MAST2: variants seen among roughly 807,000 people sequenced by gnomAD.
MAST2 encodes microtubule-associated serine/threonine-protein kinase 2.
A neutral mutation model predicts 147.4 loss-of-function variants in MAST2; 70 were observed. That is an observed-to-expected ratio of 0.47 (90% CI 0.39 to 0.58). The LOEUF is 0.58. Among genes scored for constraint, MAST2 ranks in the 20% least tolerant of loss-of-function variants. The pLI, the probability that MAST2 is intolerant of heterozygous loss-of-function variation, is 0.00. For synonymous variants in MAST2, 869 were observed against 896.8 expected (o/e 0.97, Z 0.55); for missense variants, 2,080 against 2,302.3 (o/e 0.90, Z 1.98).
chr1:45,948,178 C>G (rs1401439873), intron 4 of MAST2, among the ~76,000 whole-genome samples: 1 of 152,096 alleles, frequency 6.6e-6, no homozygotes, highest in Non-Finnish European at 1.5e-5. Context: ...GAATAAAATA[C>G]CTAGGAATAC....
chr1:45,896,394 A>T (rs1415990294), intron 4 of MAST2, among the ~76,000 whole-genome samples: 1 of 152,026 alleles, frequency 6.6e-6, no homozygotes, highest in Non-Finnish European at 1.5e-5. Flanking sequence ...AGATGAAGAG[A>T]TTCATAGGGT....
At chr1:45,882,206 AT>A (rs201525530) in intron 3 of MAST2, among the ~76,000 whole-genome samples, 157 bp from the exon 4 acceptor site, 65,749 of 145,410 alleles carry the variant, frequency 0.45, 15,639 homozygotes, top group East Asian at 0.66. Flanking sequence ...AAAAAAAAAA[AT>A]AAATAAAATT....
At chr1:45,852,436 A>G (rs1410910726) in intron 3 of MAST2, among the ~76,000 whole-genome samples, 6 of 151,918 alleles carry the variant, frequency 3.9e-5, no homozygotes, top group African/African-American at 9.7e-5. Flanking sequence ...GTCATGGCTC[A>G]CTGCAGCCTC....
At chr1:45,916,319 A>G (rs1652496862) in intron 4 of MAST2, among the ~76,000 whole-genome samples, 1 of 152,218 alleles carries the variant, frequency 6.6e-6, no homozygotes, top group African/African-American at 2.4e-5. Flanking sequence ...AAATTAAATA[A>G]TGGTGTGTGT....
chr1:45,890,030 C>G (rs951082541), intron 4 of MAST2, among the ~76,000 whole-genome samples: 1 of 152,162 alleles, frequency 6.6e-6, no homozygotes, highest in South Asian at 2.1e-4. Flanking sequence ...AGGCATGAGC[C>G]CCCGTGCCCA....
At chr1:45,975,560 C>T (rs181366939) in intron 5 of MAST2, among the ~76,000 whole-genome samples, 1 of 146,110 alleles carries the variant, frequency 6.8e-6, no homozygotes, top group African/African-American at 2.5e-5. Flanking sequence ...CCCAGCTGCT[C>T]AGTAGGCTGA....
At chr1:46,033,969 C>CT in intron 27 of MAST2, 31 bp downstream of exon 27, 1 of 1,612,860 alleles carries the variant, frequency 6.2e-7, no homozygotes. Context: ...AGGGTTTTCT[C>CT]TGAGCCACAT....
rs750162079 is a variant in MAST2 at position 46,030,681 on chromosome 1, TGAG to T, written c.2632_2634del (p.Glu878del). The T allele has an allele frequency of 3.1e-6, 5 of 1,609,270 alleles. No individual in the cohort carries two copies. The Admixed American group carries it at 5.1e-5, about 16-fold the overall frequency. ...CACCCCCGACCAAGCGCAGCCTGAGTGAGGAGAAGGAGGACCATTCAGATGGCC... is the reference window on the plus strand; with the variant it reads ...CACCCCCGACCAAGCGCAGCCTGAGTGAGAAGGAGGACCATTCAGATGGCC... On this transcript the variant is annotated inframe_deletion, in exon 22 of 29. Coordinates refer to ENST00000361297, the MANE Select transcript of MAST2 (RefSeq NM_015112.3).
At chr1:45,833,551 G>A (rs74441208) in intron 3 of MAST2, among the ~76,000 whole-genome samples, 5,411 of 152,248 alleles carry the variant, frequency 0.036, 142 homozygotes, top group Non-Finnish European at 0.052. Flanking sequence ...ATCTAGGAGA[G>A]AAGTTGCTGA....
chr1:45,816,225 G>GAGAGAGAGAGAGAA (rs1371785552), intron 1 of MAST2, among the ~76,000 whole-genome samples: 6 of 151,576 alleles, frequency 4.0e-5, no homozygotes, highest in Non-Finnish European at 5.9e-5. Context: ...GAGAGAAAGA[G>GAGAGAGAGAGAGAA]AGAGAGAGAG....
At chr1:45,966,993 G>A (rs533503593) in intron 5 of MAST2, among the ~76,000 whole-genome samples, 29 of 150,968 alleles carry the variant, frequency 1.9e-4, no homozygotes, top group South Asian at 1.0e-3. Flanking sequence ...TAATCTATGC[G>A]TAGTTGTATC....
chr1:45,879,572 C>CAAAAAA (rs56115997), intron 3 of MAST2, among the ~76,000 whole-genome samples: 4 of 101,702 alleles, frequency 3.9e-5, no homozygotes, highest in Admixed American at 1.2e-4. Flanking sequence ...GACTCCATCT[C>CAAAAAA]AAAAAAAAAA....
At chr1:46,010,535 A>C (rs2149235059) in intron 9 of MAST2, among the ~76,000 whole-genome samples, 195 bp from the exon 10 acceptor site, 1 of 152,348 alleles carries the variant, frequency 6.6e-6, no homozygotes, top group East Asian at 1.9e-4. Context: ...TTGAATATAA[A>C]GCTAAGGCAT....
intron 3 of MAST2, chr1:45,847,036 C>T (rs1161669982): frequency 1.7e-5 from 6 of 362,904 alleles, no homozygotes; most frequent in Admixed American, 3.8e-5. Context: ...TTTGATTCAT[C>T]GTTTAGTTCC....
At position 46,023,829 on chromosome 1, in the gene MAST2, C is replaced by G; in HGVS notation, c.1629C>G (p.Ile543Met). The G allele has an allele frequency of 1.2e-6, 2 of 1,614,130 alleles. No homozygotes were observed. The highest frequency in any genetic ancestry group is 1.7e-6 in the Non-Finnish European group (2 of 1,180,044). ...STRQRFAMKK[I>M]NKQNLILRNQ... ...GGCAGCGCTTTGCCATGAAGAAGAT[C>G]AACAAGCAGAACCTGATCCTACGGA... The change falls in exon 15 of 29, where the codon ATC becomes ATG. Residue 543 changes from isoleucine (I) to methionine (M), a missense_variant. By Grantham distance (10) the Ile-to-Met change is conservative (BLOSUM62 1). This residue lies in a region of MAST2 where 569 missense variants were observed against 642.5 expected (regional missense o/e 0.89). Transcript: ENST00000361297. The surrounding 1 kb of genome is among the most constrained non-coding windows in gnomAD (Gnocchi z 4.9).
At chr1:46,007,597 A>G (rs921063069) in intron 8 of MAST2, among the ~76,000 whole-genome samples, 3 of 152,202 alleles carry the variant, frequency 2.0e-5, no homozygotes, top group Non-Finnish European at 2.9e-5. Flanking sequence ...GTGAACCTAG[A>G]ACATCTGGGA....
At chr1:45,848,778 G>C (rs551674696) in intron 3 of MAST2, among the ~76,000 whole-genome samples, 4 of 152,196 alleles carry the variant, frequency 2.6e-5, no homozygotes, top group Non-Finnish European at 4.4e-5. Context: ...AGTAGGAAGA[G>C]AGAAGTCAGA....
intron 4 of MAST2, among the ~76,000 whole-genome samples, chr1:45,889,904 C>T (rs960330734): frequency 1.3e-5 from 2 of 152,148 alleles, no homozygotes; most frequent in African/African-American, 4.8e-5. Flanking sequence ...CAGGTGCGCT[C>T]CACCACGCTG....
At chr1:45,913,338 A>G (rs1651961276) in intron 4 of MAST2, among the ~76,000 whole-genome samples, 1 of 152,228 alleles carries the variant, frequency 6.6e-6, no homozygotes, top group South Asian at 2.1e-4. Flanking sequence ...TGCCCACTGC[A>G]ACAGCTGTTT....
Sources: gnomAD v4.1 joint callset for allele counts (sites outside exome capture counted in the v4.1 genomes callset) on GRCh38, gnomAD v4.1.1 for gene constraint, gnomAD v4.1.1 regional missense constraint, Gnocchi (gnomAD v3.1) non-coding constraint, MANE v1.5 for transcripts, NCBI Gene and HGNC (gene_info 2026-07-23, HGNC 2026-07-21) for gene names.